The following PDE8B variants were observed in gnomAD, a reference collection of about 807,000 sequenced individuals.
The protein encoded by PDE8B is phosphodiesterase 8B, also known as high affinity cAMP-specific and IBMX-insensitive 3',5'-cyclic phosphodiesterase 8B.
A neutral mutation model predicts 101.3 loss-of-function variants in PDE8B; 26 were observed. The observed-to-expected ratio is 0.26, with a 90% CI of 0.19 to 0.36. The LOEUF is 0.36. Among genes scored for constraint, PDE8B ranks in the 10% least tolerant of loss-of-function variants. The probability of loss-of-function intolerance (pLI) is 1.00; values close to 1 mark genes in which losing one functional copy is unlikely to be tolerated. For synonymous variants in PDE8B, 424 were observed against 429.3 expected, an observed-to-expected ratio of 0.99 and a Z score of 0.15; for missense variants, 810 against 1,163.1, an observed-to-expected ratio of 0.70 and a Z score of 4.42.
chr5:77,250,049 C>T lies in PDE8B; in HGVS notation c.339+38785C>T, dbSNP rs528779682. Among the ~76,000 whole-genome samples the T allele has an allele frequency of 2.1e-4, 32 of 152,270 alleles. No individual in the cohort carries two copies. The South Asian group carries it at 5.0e-3, about 24-fold the overall frequency. On this transcript the variant is annotated intron_variant, in intron 1 of 21. Coordinates refer to ENST00000264917, the MANE Select transcript of PDE8B (RefSeq NM_003719.5). The stretch of plus-strand genomic sequence containing the variant: ...GCTTCCATTTTAAAGAGAAAAACAA[C>T]GTAATAAGACTAAGATCTAAAAGGA...
At chr5:77,118,701 T>A in the PDE8B span, 1 of 241,278 alleles carries the variant, frequency 4.1e-6, no homozygotes, top group South Asian at 1.8e-4. Flanking sequence ...TATCTGCATG[T>A]GGTCAGTGTA....
At chr5:77,287,944 C>T (rs1766397953) in intron 1 of PDE8B, among the ~76,000 whole-genome samples, 2 of 152,294 alleles carry the variant, frequency 1.3e-5, no homozygotes, top group South Asian at 4.1e-4. Context: ...TTTTCCCTCT[C>T]TTGGCTTTTG....
At chr5:77,425,581 G>A (rs908977515) in intron 20 of PDE8B, among the ~76,000 whole-genome samples, 186 bp from the exon 21 acceptor site, 5 of 152,152 alleles carry the variant, frequency 3.3e-5, no homozygotes, top group Non-Finnish European at 7.3e-5. Flanking sequence ...TTGAGAGTGG[G>A]AAGGTCTGAG....
At chr5:77,276,598 A>G (rs533780631) in intron 1 of PDE8B, among the ~76,000 whole-genome samples, 11 of 152,198 alleles carry the variant, frequency 7.2e-5, no homozygotes, top group African/African-American at 1.2e-4. Context: ...TTATCTGTTC[A>G]GCATCAGACA....
In PDE8B at chr5:77,224,972, T is replaced by G. The variant is rs192636352; in HGVS notation, c.339+13708T>G. 8.0e-3 allele frequency among the ~76,000 whole-genome samples: 1,225 copies of G among 152,220 alleles called. 14 individuals are homozygous for G. Among genetic ancestry groups the G allele is most frequent in the African/African-American group, 0.025 (1,040 of 41,530 alleles). ...GATTCAGGTTTATTTACTTTTTTTT[T>G]TGGGGAAGACTACTTTATAGGTAGT... On this transcript the variant is annotated intron_variant, in intron 1 of 21. Coordinates refer to ENST00000264917, the MANE Select transcript of PDE8B (RefSeq NM_003719.5).
Position 77,426,916 on chromosome 5 carries a change from C to T in PDE8B, c.*362C>T. Reference sequence around the variant, plus strand: ...ATCTCCCAGGATGGTGACTAAGTAGCTTAGCTAGTGATCAGCTCATCCTTT... The same window carrying T: ...ATCTCCCAGGATGGTGACTAAGTAGTTTAGCTAGTGATCAGCTCATCCTTT... On this transcript the variant is annotated 3_prime_UTR_variant, in exon 22 of 22. Coordinates refer to ENST00000264917, the MANE Select transcript of PDE8B (RefSeq NM_003719.5). 1 of 312,406 alleles carries T rather than the reference C, an allele frequency of 3.2e-6. No individual in the cohort carries two copies. Among genetic ancestry groups the T allele is most frequent in the Non-Finnish European group, 6.2e-6 (1 of 162,534 alleles). 19.4% of individuals were successfully genotyped at this position (312,406 alleles called of 1,614,324 possible). A position where few individuals can be genotyped will look rare whatever the true frequency, so the allele number is the denominator to read the frequency against.
chr5:77,386,558 TGTTG>T (rs1314528792), intron 10 of PDE8B, among the ~76,000 whole-genome samples: 1 of 152,240 alleles, frequency 6.6e-6, no homozygotes, highest in Non-Finnish European at 1.5e-5. Flanking sequence ...TTTTGATCTT[TGTTG>T]GTTTAAAGTC....
At position 77,407,442 on chromosome 5, in the gene PDE8B, G is replaced by A. The variant is rs1401879240; in HGVS notation, c.1350G>A (p.Glu450=). 2 of 1,613,660 alleles carry A rather than the reference G, an allele frequency of 1.2e-6. No individual in the cohort carries two copies. The highest frequency in any genetic ancestry group is 1.1e-5 in the South Asian group (1 of 91,080). Residue 450 remains glutamate (E), a synonymous_variant, in exon 13 of 22, where the codon GAG becomes GAA. Transcript: ENST00000264917. ...CGAGGATCCACTCCATGACCATCGA[G>A]GCTCCCATCACAAAGGTGAGTGGCG... The part of the protein sequence containing the change: ...SMARIHSMTI[E]APITKVINII...
At chr5:77,165,351 TC>T in the PDE8B span, 3 of 152,198 alleles carry the variant, frequency 2.0e-5, no homozygotes, top group Non-Finnish European at 4.4e-5. Flanking sequence ...CCTGAAATTT[TC>T]ACACTCAGCT....
chr5:77,199,331 G>A, the PDE8B span, among the ~76,000 whole-genome samples: 4 of 152,168 alleles, frequency 2.6e-5, no homozygotes, highest in Non-Finnish European at 4.4e-5. Flanking sequence ...ACTTATAAAT[G>A]TATATACTTC....
chr5:77,397,309 A>G (rs1254713089), intron 10 of PDE8B, among the ~76,000 whole-genome samples: 1 of 151,980 alleles, frequency 6.6e-6, no homozygotes, highest in Admixed American at 6.5e-5. Flanking sequence ...GGATTACAGG[A>G]GTGAGCCACT....
At chr5:77,284,268 G>A (rs2149875061) in intron 1 of PDE8B, among the ~76,000 whole-genome samples, 1 of 152,282 alleles carries the variant, frequency 6.6e-6, no homozygotes, top group East Asian at 1.9e-4. Flanking sequence ...CTTCCTGTCT[G>A]TGATGTCTTC....
the PDE8B span, among the ~76,000 whole-genome samples, chr5:77,130,633 C>G: frequency 6.6e-6 from 1 of 151,902 alleles, no homozygotes; most frequent in Non-Finnish European, 1.5e-5. Flanking sequence ...GTATATGACA[C>G]ATACACCTTA....
intron 6 of PDE8B, among the ~76,000 whole-genome samples, chr5:77,343,564 G>A (rs1219187703): frequency 6.6e-6 from 1 of 152,208 alleles, no homozygotes; most frequent in African/African-American, 2.4e-5. Context: ...AGGACTGGGA[G>A]TTGCTCTGGG....
chr5:77,414,997 A>T (rs1212835919), intron 17 of PDE8B, among the ~76,000 whole-genome samples: 1 of 152,204 alleles, frequency 6.6e-6, no homozygotes, highest in Non-Finnish European at 1.5e-5. Context: ...CTGCTAGTGT[A>T]TTTGGAGTCT....
intron 1 of PDE8B, among the ~76,000 whole-genome samples, chr5:77,248,476 G>A (rs1365555919): frequency 6.6e-6 from 1 of 151,986 alleles, no homozygotes; most frequent in East Asian, 1.9e-4. Flanking sequence ...ATGAGCTTCA[G>A]TTTCTTCTGT....
chr5:77,277,427 C>T (rs1764067512), intron 1 of PDE8B, among the ~76,000 whole-genome samples: 2 of 152,110 alleles, frequency 1.3e-5, no homozygotes, highest in South Asian at 4.1e-4. Flanking sequence ...TCGGTGTTTC[C>T]CTTTTAACTG....
chr5:77,331,489 A>G (rs772757615), intron 5 of PDE8B, 30 bp downstream of exon 5: 3 of 1,556,356 alleles, frequency 1.9e-6, no homozygotes, highest in Non-Finnish European at 2.7e-6. Flanking sequence ...CATCTCTCTC[A>G]GTTGCAGGCA....
the PDE8B span, chr5:77,087,785 G>A: frequency 1.3e-5 from 2 of 152,324 alleles, no homozygotes; most frequent in Non-Finnish European, 2.9e-5. Flanking sequence ...CCAACTTTGA[G>A]GGAGAAGGGG....
Sources: gnomAD v4.1 joint callset for allele counts (sites outside exome capture counted in the v4.1 genomes callset) on GRCh38, gnomAD v4.1.1 for gene constraint, MANE v1.5 for transcripts, NCBI Gene and HGNC (gene_info 2026-07-23, HGNC 2026-07-21) for gene names.